Variants in ZNF676 observed in about 807,000 individuals in gnomAD.
ZNF676 encodes the protein zinc finger protein 676.
ZNF676 carries 4 observed loss-of-function variants against 6.0 expected under a neutral mutation model. That is an observed-to-expected ratio of 0.67 (90% CI 0.33 to 1.53). The LOEUF is 1.53. ZNF676 is among the 40% of genes most tolerant of loss of function. The pLI is 0.06. For synonymous variants in ZNF676, 198 were observed against 223.1 expected, an observed-to-expected ratio of 0.89 and a Z score of 1.00; for missense variants, 644 against 679.7, an observed-to-expected ratio of 0.95 and a Z score of 0.58.
rs1303550755 is a variant in ZNF676 at position 22,180,641 on chromosome 19, T to C, written c.1076A>G (p.His359Arg). The change falls in exon 3 of 3, where the codon CAT becomes CGT. Residue 359 changes from histidine (H) to arginine (R), a missense_variant. His to Arg is a conservative substitution (Grantham distance 29). Coordinates refer to ENST00000397121, the MANE Select transcript of ZNF676 (RefSeq NM_001001411.3). ...SSILTKHKII[H>R]TGEKPYKCEG... is the part of the protein sequence containing the mutation. Reference sequence around the variant, plus strand: ...ACATTTGTAGGGTTTCTCTCCAGTATGAATAATCTTATGTTTAGTAAGGAT... The same window carrying C: ...ACATTTGTAGGGTTTCTCTCCAGTACGAATAATCTTATGTTTAGTAAGGAT... The C allele has an allele frequency of 1.2e-6, 2 of 1,612,988 alleles. No homozygotes were observed. The highest frequency in any genetic ancestry group is 1.7e-5 in the Admixed American group (1 of 59,934).
the ZNF676 span, among the ~76,000 whole-genome samples, chr19:22,239,788 C>T: frequency 6.6e-6 from 1 of 152,130 alleles, no homozygotes; most frequent in African/African-American, 2.4e-5. Flanking sequence ...AGAAGAGGCA[C>T]ATTATGTAGA....
chr19:22,244,746 A>G, the ZNF676 span: 1 of 152,248 alleles, frequency 6.6e-6, no homozygotes, highest in Admixed American at 6.5e-5. Flanking sequence ...AAAGAGTCAC[A>G]TCACTTTGGT....
chr19:22,199,265 ATT>A (rs1160289496), upstream of ZNF676, among the ~76,000 whole-genome samples: 1 of 152,218 alleles, frequency 6.6e-6, no homozygotes, highest in African/African-American at 2.4e-5. Flanking sequence ...CACTGGGCTT[ATT>A]ATTAGCATTA....
At chr19:22,246,108 C>T in the ZNF676 span, among the ~76,000 whole-genome samples, 1 of 152,058 alleles carries the variant, frequency 6.6e-6, no homozygotes, top group Non-Finnish European at 1.5e-5. Context: ...ATGTTACAAT[C>T]CCCACTTTTG....
At chr19:22,204,157 A>G (rs1314683142) in intron 1 of ZNF676, among the ~76,000 whole-genome samples, 3 of 152,234 alleles carry the variant, frequency 2.0e-5, no homozygotes, top group Non-Finnish European at 2.9e-5. Flanking sequence ...GGTAAAATAT[A>G]TGACACTAAA....
chr19:22,213,430 C>T (rs981735641), intron 1 of ZNF676, among the ~76,000 whole-genome samples: 2 of 152,158 alleles, frequency 1.3e-5, no homozygotes, highest in Non-Finnish European at 2.9e-5. Flanking sequence ...TGGGTAAAGA[C>T]AATACTAATA....
At chr19:22,244,158 C>A in the ZNF676 span, 3 of 151,934 alleles carry the variant, frequency 2.0e-5, no homozygotes, top group Admixed American at 6.6e-5. Flanking sequence ...ATTCTCCCAC[C>A]TCAGCCTCTT....
At chr19:22,223,546 C>T in the ZNF676 span, among the ~76,000 whole-genome samples, 1 of 150,096 alleles carries the variant, frequency 6.7e-6, no homozygotes, top group Non-Finnish European at 1.5e-5. Context: ...ACTGATGTCG[C>T]TCTCCCTATA....
the ZNF676 span, among the ~76,000 whole-genome samples, chr19:22,249,807 C>T: frequency 1.3e-5 from 2 of 151,188 alleles, no homozygotes; most frequent in South Asian, 2.1e-4. Flanking sequence ...ACAAAAATTG[C>T]AGAGTTATTA....
the ZNF676 span, among the ~76,000 whole-genome samples, chr19:22,234,358 T>G: frequency 1.3e-5 from 2 of 152,164 alleles, no homozygotes; most frequent in Non-Finnish European, 2.9e-5. Flanking sequence ...CATGGGCATT[T>G]GAGCCACTTC....
At chr19:22,195,173 G>A (rs1187967658) in intron 1 of ZNF676, among the ~76,000 whole-genome samples, 1 of 152,164 alleles carries the variant, frequency 6.6e-6, no homozygotes, top group Non-Finnish European at 1.5e-5. Context: ...AGGAAATAAA[G>A]GGTTTGGGAG....
At chr19:22,196,355 G>A (rs938825660) in intron 1 of ZNF676, among the ~76,000 whole-genome samples, 3 of 152,102 alleles carry the variant, frequency 2.0e-5, no homozygotes, top group African/African-American at 7.2e-5. Flanking sequence ...CCTGCATTAA[G>A]TCAAGCAGCT....
chr19:22,246,735 G>A, the ZNF676 span, among the ~76,000 whole-genome samples: 3 of 152,186 alleles, frequency 2.0e-5, no homozygotes, highest in Non-Finnish European at 2.9e-5. Context: ...AGACAGAAGC[G>A]TTACATCACC....
At chr19:22,255,596 A>C in the ZNF676 span, among the ~76,000 whole-genome samples, 10 of 152,296 alleles carry the variant, frequency 6.6e-5, no homozygotes, top group African/African-American at 2.2e-4. Flanking sequence ...TTGTAATGCC[A>C]GCACTTTGGG....
At position 22,207,164 on chromosome 19, in the gene ZNF676, G is replaced by A. The variant is rs142716437; in HGVS notation, c.3+8468C>T. ...AGAGGAAGTCAAACTATCCCTATTT[G>A]CAAACAACATGATTCTACATCTGGA... is the stretch of plus-strand genomic sequence containing the variant. On this transcript the variant is annotated intron_variant, in intron 1 of 3. Coordinates refer to the ZNF676 transcript ENST00000650058. Among the ~76,000 whole-genome samples the A allele has an allele frequency of 1.7e-3, 265 of 152,270 alleles. 4 individuals carry two copies. The East Asian group carries it at 0.046, about 27-fold the overall frequency.
the ZNF676 span, among the ~76,000 whole-genome samples, chr19:22,223,771 A>G: frequency 1.3e-5 from 2 of 152,068 alleles, no homozygotes; most frequent in Non-Finnish European, 2.9e-5. Context: ...CTATATTTAA[A>G]TAATAAAATA....
chr19:22,206,056 AACACACAC>A (rs71180523), intron 1 of ZNF676, among the ~76,000 whole-genome samples: 2,295 of 146,652 alleles, frequency 0.016, 48 homozygotes, highest in African/African-American at 0.048. Context: ...CCCAAAACTC[AACACACAC>A]ACACACACAC....
chr19:22,222,264 A>G, the ZNF676 span, among the ~76,000 whole-genome samples: 1 of 151,958 alleles, frequency 6.6e-6, no homozygotes, highest in African/African-American at 2.4e-5. Context: ...GCCACCACGC[A>G]TGGCTAATTT....
chr19:22,252,317 C>A, the ZNF676 span, among the ~76,000 whole-genome samples: 2 of 151,368 alleles, frequency 1.3e-5, no homozygotes, highest in African/African-American at 4.9e-5. Context: ...ATCGCTTGAA[C>A]CCAGGAGGCG....
Sources: gnomAD v4.1 joint callset for allele counts (sites outside exome capture counted in the v4.1 genomes callset) on GRCh38, gnomAD v4.1.1 for gene constraint, MANE v1.5 for transcripts, NCBI Gene and HGNC (gene_info 2026-07-23, HGNC 2026-07-21) for gene names.